Variants in DNAJC25 observed in about 807,000 individuals in gnomAD.
DNAJC25 encodes dnaJ homolog subfamily C member 25.
A neutral mutation model predicts 42.1 loss-of-function variants in DNAJC25; 26 were observed. The observed-to-expected ratio is 0.62, with a 90% confidence interval of 0.45 to 0.86. The LOEUF (loss-of-function observed/expected upper bound fraction) is 0.86, where lower values mean the gene tolerates loss of function less well. DNAJC25 is among the 40% of genes least tolerant of loss of function. The pLI, the probability that DNAJC25 is intolerant of heterozygous loss-of-function variation, is 0.00. For synonymous variants in DNAJC25, 189 were observed against 179.9 expected, an observed-to-expected ratio of 1.05 and a Z score of -0.40; for missense variants, 404 against 459.4, an observed-to-expected ratio of 0.88 and a Z score of 1.10.
chr9:111,639,343 A>G (rs992361867), intron 1 of DNAJC25, among the ~76,000 whole-genome samples: 7 of 152,222 alleles, frequency 4.6e-5, no homozygotes, highest in African/African-American at 1.4e-4. Context: ...TGATACACAG[A>G]GGGATAGATT....
chr9:111,639,317 T>C (rs1198544245), intron 1 of DNAJC25, among the ~76,000 whole-genome samples: 2 of 152,250 alleles, frequency 1.3e-5, no homozygotes, highest in Non-Finnish European at 2.9e-5. Flanking sequence ...ACTAAGTAGA[T>C]GCTGATAGTA....
At chr9:111,649,335 C>A in intron 2 of DNAJC25, 118 bp from the exon 3 acceptor site, 1 of 1,419,090 alleles carries the variant, frequency 7.0e-7, no homozygotes, top group Non-Finnish European at 9.2e-7. Context: ...TTTGAGATCC[C>A]TATTTTTAAT....
chr9:111,634,590 C>T (rs1212941654), intron 1 of DNAJC25, among the ~76,000 whole-genome samples: 1 of 152,208 alleles, frequency 6.6e-6, no homozygotes, highest in East Asian at 1.9e-4. Context: ...GGAATAAAAA[C>T]GGGATGCAGA....
intron 1 of DNAJC25, 151 bp from the exon 2 acceptor site, chr9:111,646,956 C>A: frequency 2.5e-6 from 2 of 812,534 alleles, no homozygotes; most frequent in Non-Finnish European, 3.4e-6. Flanking sequence ...CTTTGAAGAG[C>A]AATGGGAAAT....
At chr9:111,635,763 A>G (rs1326255056) in intron 1 of DNAJC25, among the ~76,000 whole-genome samples, 1 of 152,200 alleles carries the variant, frequency 6.6e-6, no homozygotes, top group Non-Finnish European at 1.5e-5. Context: ...TGATAAGTTG[A>G]AAGGATGTGT....
chr9:111,638,115 C>T (rs1830390663), intron 1 of DNAJC25, among the ~76,000 whole-genome samples: 1 of 152,156 alleles, frequency 6.6e-6, no homozygotes, highest in Admixed American at 6.5e-5. Context: ...TGAAATCAGT[C>T]TTATCTTTGT....
chr9:111,635,682 T>A (rs1830352539), intron 1 of DNAJC25, among the ~76,000 whole-genome samples: 1 of 152,132 alleles, frequency 6.6e-6, no homozygotes, highest in Admixed American at 6.5e-5. Context: ...TTGATGGCAT[T>A]TTGCAGGATC....
chr9:111,640,999 T>G (rs1016264538), intron 1 of DNAJC25, among the ~76,000 whole-genome samples: 4 of 69,980 alleles, frequency 5.7e-5, no homozygotes, highest in Non-Finnish European at 2.5e-5. Context: ...GGGAGGGAGG[T>G]GGGGGGGTCA....
Position 111,631,418 on chromosome 9 carries a change from C to A in DNAJC25, c.11C>A (p.Pro4Gln), listed in dbSNP as rs544358015. 1.6e-5 allele frequency: 20 copies of A among 1,290,100 alleles called. No individual in the cohort carries two copies. The highest frequency in any genetic ancestry group is 1.9e-5 in the Non-Finnish European group (19 of 1,023,752). 79.9% of individuals were successfully genotyped at this position (1,290,100 alleles called of 1,614,324 possible). The change falls in exon 1 of 4, where the codon CCG becomes CAG. Residue 4 changes from proline to glutamine, a missense_variant. By Grantham distance (76) the Pro-to-Gln change is moderately conservative. Transcript: ENST00000313525. ...CCAGCGAGGCTGGGGATGGGGGCGC[C>A]GCTGCTCTCTCCCGGCTGGGGAGCC... Reference protein sequence around the residue: MGAPLLSPGWGAGA... With the variant: MGAQLLSPGWGAGA...
rs1171218907 is a variant in DNAJC25 at position 111,631,554 on chromosome 9, C to T, written c.147C>T (p.Asp49=). ...LVEGLYCGTR[D]CYEVLGVSRS... is the part of the protein sequence containing the mutation. Reference sequence around the variant, plus strand: ...AGGGGCTCTACTGCGGCACGCGGGACTGCTACGAGGTGCTGGGCGTGAGCC... The same window carrying T: ...AGGGGCTCTACTGCGGCACGCGGGATTGCTACGAGGTGCTGGGCGTGAGCC... The change falls in exon 1 of 4, where the codon GAC becomes GAT. Residue 49 remains aspartate, a synonymous_variant. Transcript: ENST00000313525. 7 of 1,400,574 alleles carry T rather than the reference C, an allele frequency of 5.0e-6. No individual in the cohort carries two copies. Among genetic ancestry groups the T allele is most frequent in the South Asian group, 1.6e-5 (1 of 63,908 alleles). 86.8% of individuals were successfully genotyped at this position (1,400,574 alleles called of 1,614,324 possible). A position where few individuals can be genotyped will look rare whatever the true frequency, so the allele number is the denominator to read the frequency against.
intron 1 of DNAJC25, among the ~76,000 whole-genome samples, chr9:111,641,543 C>G (rs1263370418): frequency 2.1e-5 from 2 of 96,800 alleles, no homozygotes; most frequent in Non-Finnish European, 4.0e-5. Flanking sequence ...GGGTCGGACC[C>G]CGCCCGGCCA....
intron 1 of DNAJC25, among the ~76,000 whole-genome samples, chr9:111,637,240 C>G (rs778883232): frequency 6.6e-5 from 10 of 152,048 alleles, no homozygotes; most frequent in Non-Finnish European, 1.5e-4. Context: ...GAGAATGTTG[C>G]AGGATACTGG....
chr9:111,635,909 G>T (rs1830355251), intron 1 of DNAJC25, among the ~76,000 whole-genome samples: 1 of 152,154 alleles, frequency 6.6e-6, no homozygotes, highest in Admixed American at 6.5e-5. Flanking sequence ...TGAACTCCCT[G>T]CCCTGTTACG....
At chr9:111,648,589 T>G (rs759054273) in intron 2 of DNAJC25, among the ~76,000 whole-genome samples, 4 of 152,170 alleles carry the variant, frequency 2.6e-5, no homozygotes, top group African/African-American at 4.8e-5. Context: ...TTTTTATGAA[T>G]AAAAACTACA....
chr9:111,631,482 CCTGCTGCCGGCG>C lies in DNAJC25; in HGVS notation c.83_94del (p.Pro28_Leu31del). 1 of 1,323,380 alleles carries C rather than the reference CCTGCTGCCGGCG, an allele frequency of 7.6e-7. No individual in the cohort carries two copies. The highest frequency in any genetic ancestry group is 4.2e-5 in the Admixed American group (1 of 24,056). 82.0% of individuals were successfully genotyped at this position (1,323,380 alleles called of 1,614,324 possible). On this transcript the variant is annotated inframe_deletion, in exon 1 of 4. Transcript: ENST00000313525. ...GGCGCTGGTGGATGCTGCTGGCGCCCCTGCTGCCGGCGCTGCTGCTGGTGCGGCCCGCGGGGG... is the reference window on the plus strand; with the variant it reads ...GGCGCTGGTGGATGCTGCTGGCGCCCCTGCTGCTGGTGCGGCCCGCGGGGG...
At position 111,631,377 on chromosome 9, in the gene DNAJC25, T is replaced by C; in HGVS notation, c.-31T>C. Reference sequence around the variant, plus strand: ...GCGCGGCTGAGTGCTGCAGAATCGCTGGGGTGGCAGAGCCGCCAGCGAGGC... The same window carrying C: ...GCGCGGCTGAGTGCTGCAGAATCGCCGGGGTGGCAGAGCCGCCAGCGAGGC... On this transcript the variant is annotated 5_prime_UTR_variant, in exon 1 of 4. Transcript: ENST00000313525. 7.9e-7 allele frequency: 1 copy of C among 1,271,934 alleles called. No individual in the cohort carries two copies. The highest frequency in any genetic ancestry group is 9.9e-7 in the Non-Finnish European group (1 of 1,013,098). The allele number at this position is 1,271,934 out of a possible 1,614,324, so 78.8% of individuals were successfully genotyped here. A position where few individuals can be genotyped will look rare whatever the true frequency, so the allele number is the denominator to read the frequency against.
At chr9:111,632,018 A>C (rs1045446029) in intron 1 of DNAJC25, among the ~76,000 whole-genome samples, 2 of 152,250 alleles carry the variant, frequency 1.3e-5, no homozygotes, top group African/African-American at 4.8e-5. Context: ...TCGTGAAAAT[A>C]TTTTAATAAC....
intron 3 of DNAJC25, 84 bp downstream of exon 3, chr9:111,650,007 G>T: frequency 4.0e-6 from 5 of 1,237,706 alleles, no homozygotes; most frequent in Non-Finnish European, 5.4e-6. Context: ...GATCACAGAA[G>T]TGTGCTCACA....
At chr9:111,636,920 C>A (rs1448080303) in intron 1 of DNAJC25, among the ~76,000 whole-genome samples, 1 of 152,160 alleles carries the variant, frequency 6.6e-6, no homozygotes, top group Non-Finnish European at 1.5e-5. Flanking sequence ...TCGTTAATTT[C>A]AGTGGTTACT....
Sources: gnomAD v4.1 joint callset for allele counts (sites outside exome capture counted in the v4.1 genomes callset) on GRCh38, gnomAD v4.1.1 for gene constraint, MANE v1.5 for transcripts, NCBI Gene and HGNC (gene_info 2026-07-23, HGNC 2026-07-21) for gene names.